The following PIK3CG variants were observed in gnomAD, a reference collection of about 807,000 sequenced individuals.
PIK3CG encodes the protein phosphatidylinositol 4,5-bisphosphate 3-kinase catalytic subunit gamma isoform.
Under a neutral mutation model 102.3 loss-of-function variants are expected in PIK3CG, and 55 were observed. The ratio of observed to expected loss-of-function variants is 0.54; its 90% CI spans 0.43 to 0.67. The LOEUF (loss-of-function observed/expected upper bound fraction) is 0.67. Ranked by LOEUF, PIK3CG falls within the 30% of genes least tolerant of loss-of-function variation. The pLI is 0.00. For synonymous variants in PIK3CG, 552 were observed against 540.0 expected (o/e 1.02, Z -0.31); for missense variants, 1,258 against 1,391.8 (o/e 0.90, Z 1.53).
rs1728544042 is a variant in PIK3CG at position 106,894,990 on chromosome 7, G to A, written c.3030+8698G>A. Among the ~76,000 whole-genome samples the A allele has an allele frequency of 6.6e-6, 1 of 152,150 alleles. No homozygotes were observed. The highest frequency in any genetic ancestry group is 1.5e-5 in the Non-Finnish European group (1 of 68,026). ...TTTGTAAAAACAATTCTTTCTGTTA[G>A]TACTAGATGCTATAATTAAGGCATT... On this transcript the variant is annotated intron_variant, in intron 10 of 10. Transcript: ENST00000496166. The surrounding 1 kb of genome is among the most constrained non-coding windows in gnomAD (Gnocchi z 4.4).
At chr7:106,901,314 A>G (rs1353382002) in intron 10 of PIK3CG, among the ~76,000 whole-genome samples, 1 of 151,818 alleles carries the variant, frequency 6.6e-6, no homozygotes. Context: ...CCAGTCTTCA[A>G]GTTCTGAGAT....
In PIK3CG at chr7:106,867,322, T is replaced by C. The variant is rs1790320041; in HGVS notation, c.-12-228T>C. Among the ~76,000 whole-genome samples the C allele has an allele frequency of 6.6e-6, 1 of 152,152 alleles. No individual in the cohort carries two copies. Among genetic ancestry groups the C allele is most frequent in the Non-Finnish European group, 1.5e-5 (1 of 68,024 alleles). On this transcript the variant is annotated intron_variant, in intron 1 of 10. Transcript: ENST00000496166. The surrounding 1 kb of genome is among the most constrained non-coding windows in gnomAD (Gnocchi z 5.1). ...AGAGATGAGAAACAGGCTCAGAGAT[T>C]AAGCAGCCCAAATCACCCAGAAAGT...
rs2116562961 is a variant in PIK3CG at position 106,886,292 on chromosome 7, G to A, written c.3030G>A (p.Gln1010=). The change falls in exon 10 of 11, where the codon CAG becomes CAA. Residue 1010 remains glutamine (Q), a splice_region_variant and synonymous_variant. Transcript: ENST00000496166. ...CAAGCCCACACTTCCAGAAATTTCA[G>A]GTAAGTCACCTCCTTCATCGCCTGC... is the stretch of plus-strand genomic sequence containing the variant. The part of the protein sequence containing the change: ...KKTSPHFQKF[Q]DICVKAYLAL... The A allele has an allele frequency of 6.2e-7, 1 of 1,614,024 alleles. No homozygotes were observed. The highest frequency in any genetic ancestry group is 8.5e-7 in the Non-Finnish European group (1 of 1,179,966).
chr7:106,894,811 C>T lies in PIK3CG; in HGVS notation c.3030+8519C>T, dbSNP rs1791363274. Among the ~76,000 whole-genome samples the T allele has an allele frequency of 6.6e-6, 1 of 152,122 alleles. No individual in the cohort carries two copies. Among genetic ancestry groups the T allele is most frequent in the African/African-American group, 2.4e-5 (1 of 41,434 alleles). On this transcript the variant is annotated intron_variant, in intron 10 of 10. Coordinates refer to ENST00000496166, the MANE Select transcript of PIK3CG (RefSeq NM_001282426.2). The surrounding 1 kb of genome is among the most constrained non-coding windows in gnomAD (Gnocchi z 4.4). ...CAGACAGTCTGTAGCAGCCACAGCT[C>T]ATCAGTGGTTAATAAATTAGTAGAT...
rs201148654 is a variant in PIK3CG, at chr7:106,876,396, C to CTT, written c.2391+1605_2391+1606dup. Among the ~76,000 whole-genome samples the CTT allele has an allele frequency of 1.8e-3, 256 of 142,846 alleles. 2 individuals carry two copies. The highest frequency in any genetic ancestry group is 5.6e-3 in the East Asian group (27 of 4,856). 93.7% of individuals were successfully genotyped at this position (142,846 alleles called of 152,430 possible). On this transcript the variant is annotated intron_variant, in intron 5 of 10. Coordinates refer to ENST00000496166, the MANE Select transcript of PIK3CG (RefSeq NM_001282426.2). Reference sequence around the variant, plus strand: ...ACCAGTTTTTTAGGTGGGTTGCCTTCTTTTTTTTTTTTTGAGACAGAGTCT... The same window carrying CTT: ...ACCAGTTTTTTAGGTGGGTTGCCTTCTTTTTTTTTTTTTTTGAGACAGAGTCT...
rs1442993825 is a variant in PIK3CG, at chr7:106,892,473, C to A, written c.3030+6181C>A. On this transcript the variant is annotated intron_variant, in intron 10 of 10. Transcript: ENST00000496166. The surrounding 1 kb of genome is among the most constrained non-coding windows in gnomAD (Gnocchi z 5.2). ...AGGCAAGATATTTTCCCAGTTTGGCCCCTTTCAAATACAGTTGTTCCCTAA... is the reference window on the plus strand; with the variant it reads ...AGGCAAGATATTTTCCCAGTTTGGCACCTTTCAAATACAGTTGTTCCCTAA... Among the ~76,000 whole-genome samples, 2 of 152,234 alleles carry A rather than the reference C, an allele frequency of 1.3e-5. No homozygotes were observed. Among genetic ancestry groups the A allele is most frequent in the African/African-American group, 4.8e-5 (2 of 41,464 alleles).
Position 106,867,633 on chromosome 7 carries a change from G to A in PIK3CG, c.72G>A (p.Lys24=), listed in dbSNP as rs1584314486. The change falls in exon 2 of 11, where the codon AAG becomes AAA. Residue 24 remains lysine, a synonymous_variant. Coordinates refer to ENST00000496166, the MANE Select transcript of PIK3CG (RefSeq NM_001282426.2). The surrounding 1 kb of genome is among the most constrained non-coding windows in gnomAD (Gnocchi z 5.1). ...ACTGCCGAAGGCGCCGGAGGATGAAGCCGCGCAGTGCTGCGGCCAGCCTGT... is the reference window on the plus strand; with the variant it reads ...ACTGCCGAAGGCGCCGGAGGATGAAACCGCGCAGTGCTGCGGCCAGCCTGT... ...EDNCRRRRRM[K]PRSAAASLSS... is the part of the protein sequence containing the mutation. 1 of 1,612,806 alleles carries A rather than the reference G, an allele frequency of 6.2e-7. No individual in the cohort carries two copies.
rs1019889060 is a variant in PIK3CG, at chr7:106,890,380, A to C, written c.3030+4088A>C. Among the ~76,000 whole-genome samples the C allele has an allele frequency of 3.3e-5, 5 of 152,124 alleles. No individual in the cohort carries two copies. Among genetic ancestry groups the C allele is most frequent in the Admixed American group, 1.3e-4 (2 of 15,272 alleles). On this transcript the variant is annotated intron_variant, in intron 10 of 10. Coordinates refer to ENST00000496166, the MANE Select transcript of PIK3CG (RefSeq NM_001282426.2). The surrounding 1 kb of genome is among the most constrained non-coding windows in gnomAD (Gnocchi z 4.2). ...ATATTTTTAGTAGAGACGGGGTTTC[A>C]CCGTGTTAACCAGGATGGTCTCAAT... is the stretch of plus-strand genomic sequence containing the variant.
In PIK3CG at chr7:106,868,794, T is replaced by A. The variant is rs2116450090; in HGVS notation, c.1233T>A (p.Asn411Lys). Residue 411 changes from asparagine to lysine, a missense_variant, in exon 2 of 11, where the codon AAT (asparagine) becomes AAA (lysine). By Grantham distance (94) the Asn-to-Lys change is moderately conservative (BLOSUM62 0). Transcript: ENST00000496166. The surrounding 1 kb of genome is among the most constrained non-coding windows in gnomAD (Gnocchi z 6.2). ...CCTTCACAGAGGAGGTGCTGTGGAATGTGTGGCTTGAGTTCAGTATCAAAA... is the reference window on the plus strand; with the variant it reads ...CCTTCACAGAGGAGGTGCTGTGGAAAGTGTGGCTTGAGTTCAGTATCAAAA... ...PKPFTEEVLW[N>K]VWLEFSIKIK... is the part of the protein sequence containing the mutation. 1 of 1,614,214 alleles carries A rather than the reference T, an allele frequency of 6.2e-7. No homozygotes were observed. Among genetic ancestry groups the A allele is most frequent in the Non-Finnish European group, 8.5e-7 (1 of 1,180,036 alleles).
rs2116619387 is a variant in PIK3CG, at chr7:106,905,319, A to G, written c.3241A>G (p.Thr1081Ala). 1 of 1,613,972 alleles carries G rather than the reference A, an allele frequency of 6.2e-7. No homozygotes were observed. Residue 1081 changes from threonine (T) to alanine (A), a missense_variant, in exon 11 of 11, where the codon ACT (threonine) becomes GCT (alanine). By Grantham distance (58) the Thr-to-Ala change is moderately conservative (BLOSUM62 0). Transcript: ENST00000496166. The surrounding 1 kb of genome is among the most constrained non-coding windows in gnomAD (Gnocchi z 5.6). ...QIEVCRDKGW[T>A]VQFNWFLHLV... Reference sequence around the variant, plus strand: ...CGAAGTTTGCAGAGACAAAGGATGGACTGTGCAGTTTAATTGGTTTCTACA... The same window carrying G: ...CGAAGTTTGCAGAGACAAAGGATGGGCTGTGCAGTTTAATTGGTTTCTACA...
Position 106,895,159 on chromosome 7 carries a change from A to G in PIK3CG, c.3030+8867A>G, listed in dbSNP as rs962647281. Among the ~76,000 whole-genome samples the G allele has an allele frequency of 3.3e-5, 5 of 152,234 alleles. No individual in the cohort carries two copies. The highest frequency in any genetic ancestry group is 7.2e-5 in the African/African-American group (3 of 41,458). On this transcript the variant is annotated intron_variant, in intron 10 of 10. Coordinates refer to ENST00000496166, the MANE Select transcript of PIK3CG (RefSeq NM_001282426.2). This position sits in a 1 kb window ranked among gnomAD's most constrained non-coding sequence, Gnocchi z 5.4. ...TAGTCATTAACAAGTGCATTAAACC[A>G]AGTCCTCGAAGTCAGATTTTTCCCT... is the stretch of plus-strand genomic sequence containing the variant.
At position 106,868,308 on chromosome 7, in the gene PIK3CG, C is replaced by A; in HGVS notation, c.747C>A (p.Phe249Leu). The A allele has an allele frequency of 6.2e-7, 1 of 1,614,216 alleles. No homozygotes were observed. The highest frequency in any genetic ancestry group is 8.5e-7 in the Non-Finnish European group (1 of 1,180,042). ...DTPGAILQSF[F>L]TKMAKKKSLM... Reference sequence around the variant, plus strand: ...CCGGCGCCATCCTGCAGAGCTTCTTCACCAAGATGGCCAAGAAGAAATCTC... The same window carrying A: ...CCGGCGCCATCCTGCAGAGCTTCTTAACCAAGATGGCCAAGAAGAAATCTC... Residue 249 changes from phenylalanine to leucine, a missense_variant, in exon 2 of 11, where the codon TTC becomes TTA. By Grantham distance (22) the Phe-to-Leu change is conservative. Around this residue, in one of 2 missense-constraint regions of PIK3CG, gnomAD observed 832 missense variants for 787.5 expected, o/e 1.06. Transcript: ENST00000496166. The surrounding 1 kb of genome is among the most constrained non-coding windows in gnomAD (Gnocchi z 6.2).
At position 106,877,612 on chromosome 7, in the gene PIK3CG, CTGTTTTGTTTTGTTT is replaced by C. The variant is rs57970232; in HGVS notation, c.2392-1890_2392-1876del. 2.0e-5 allele frequency among the ~76,000 whole-genome samples: 3 copies of C among 150,434 alleles called. No homozygotes were observed. The highest frequency in any genetic ancestry group is 4.9e-5 in the African/African-American group (2 of 40,854). On this transcript the variant is annotated intron_variant, in intron 5 of 10. Coordinates refer to ENST00000496166, the MANE Select transcript of PIK3CG (RefSeq NM_001282426.2). The surrounding 1 kb of genome is among the most constrained non-coding windows in gnomAD (Gnocchi z 4.5). ...TTTTCAGCACCATGTGTTGAAAAGA[CTGTTTTGTTTTGTTT>C]TGTTTTGTTTTGTTTTTCCTGGAGA...
Position 106,868,149 on chromosome 7 carries a change from C to A in PIK3CG, c.588C>A (p.Tyr196Ter), listed in dbSNP as rs760638407. 1 of 1,613,176 alleles carries A rather than the reference C, an allele frequency of 6.2e-7. No homozygotes were observed. The highest frequency in any genetic ancestry group is 8.5e-7 in the Non-Finnish European group (1 of 1,180,028). The change falls in exon 2 of 11, where the codon TAC becomes TAA. Residue 196 changes from tyrosine (Y) to a stop codon, truncating the protein, a stop_gained. Transcript: ENST00000496166. LOFTEE classifies it high-confidence loss of function. This position sits in a 1 kb window ranked among gnomAD's most constrained non-coding sequence, Gnocchi z 6.2. ...AEVASRDPKLYAMHPWVTSKP... is the reference protein window; with the variant it reads ...AEVASRDPKL ...TGGCCAGCCGCGACCCCAAGCTCTACGCCATGCACCCGTGGGTGACGTCCA... is the reference window on the plus strand; with the variant it reads ...TGGCCAGCCGCGACCCCAAGCTCTAAGCCATGCACCCGTGGGTGACGTCCA...
chr7:106,876,125 A>G (rs1207612353), intron 5 of PIK3CG, among the ~76,000 whole-genome samples: 13 of 150,572 alleles, frequency 8.6e-5, no homozygotes, highest in African/African-American at 3.2e-4. Context: ...CTTGTTAGCC[A>G]GGATGGTCTC....
chr7:106,908,323 T>C lies in PIK3CG; in HGVS notation c.*2936T>C, dbSNP rs1791743013. 6.6e-6 allele frequency among the ~76,000 whole-genome samples: 1 copy of C among 152,188 alleles called. No homozygotes were observed. Among genetic ancestry groups the C allele is most frequent in the Non-Finnish European group, 1.5e-5 (1 of 68,022 alleles). ...TCTGAATGATGGCTTTGGTGTTCAG[T>C]TTAGCACACGCGGTCTACCACGTCT... On this transcript the variant is annotated 3_prime_UTR_variant, in exon 11 of 11. Transcript: ENST00000496166. This position sits in a 1 kb window ranked among gnomAD's most constrained non-coding sequence, Gnocchi z 4.1.
rs972151664 is a variant in PIK3CG at position 106,877,220 on chromosome 7, A to G, written c.2392-2299A>G. ...TTCAAAAGAAATGAAAAAGAAATCT[A>G]TCTAATCCAGTGCCTCAGCCTGGGG... On this transcript the variant is annotated intron_variant, in intron 5 of 10. Transcript: ENST00000496166. The surrounding 1 kb of genome is among the most constrained non-coding windows in gnomAD (Gnocchi z 4.5). 6.6e-6 allele frequency among the ~76,000 whole-genome samples: 1 copy of G among 152,138 alleles called. No individual in the cohort carries two copies. Among genetic ancestry groups the G allele is most frequent in the Non-Finnish European group, 1.5e-5 (1 of 68,018 alleles).
rs1791574178 is a variant in PIK3CG, at chr7:106,902,148, G to A, written c.3031-2961G>A. Reference sequence around the variant, plus strand: ...GCCAAGGGTCATTTGCTTGTCACCTGGGGACTCCACCCCAGAGAGATGCAG... The same window carrying A: ...GCCAAGGGTCATTTGCTTGTCACCTAGGGACTCCACCCCAGAGAGATGCAG... On this transcript the variant is annotated intron_variant, in intron 10 of 10. Coordinates refer to ENST00000496166, the MANE Select transcript of PIK3CG (RefSeq NM_001282426.2). This position sits in a 1 kb window ranked among gnomAD's most constrained non-coding sequence, Gnocchi z 4.3. Among the ~76,000 whole-genome samples, 1 of 152,150 alleles carries A rather than the reference G, an allele frequency of 6.6e-6. No homozygotes were observed. Among genetic ancestry groups the A allele is most frequent in the Admixed American group, 6.5e-5 (1 of 15,268 alleles).
chr7:106,866,669 G>A (rs1790295292), intron 1 of PIK3CG, among the ~76,000 whole-genome samples: 2 of 152,114 alleles, frequency 1.3e-5, no homozygotes, highest in African/African-American at 2.4e-5. Context: ...TTCCTATTGG[G>A]AGAGTACAGC....
Sources: gnomAD v4.1 joint callset for allele counts (sites outside exome capture counted in the v4.1 genomes callset) on GRCh38, gnomAD v4.1.1 for gene constraint, gnomAD v4.1.1 regional missense constraint, Gnocchi (gnomAD v3.1) non-coding constraint, MANE v1.5 for transcripts, NCBI Gene and HGNC (gene_info 2026-07-23, HGNC 2026-07-21) for gene names.